Variants in CHL1 observed in about 807,000 individuals in gnomAD.
The protein encoded by CHL1 is neural cell adhesion molecule L1-like protein.
CHL1 carries 96 observed loss-of-function variants against 141.9 expected under a neutral mutation model. That is an observed-to-expected ratio of 0.68 (90% CI 0.57 to 0.80). The LOEUF (loss-of-function observed/expected upper bound fraction) is 0.80. CHL1 is among the 30% of genes least tolerant of loss of function. The probability of loss-of-function intolerance (pLI) is 0.00; values close to 1 mark genes in which losing one functional copy is unlikely to be tolerated. For missense variants in CHL1, 1,820 were observed against 1,457.2 expected (o/e 1.25, Z -4.05); for synonymous variants, 613 against 502.2 (o/e 1.22, Z -2.95).
rs376014846 is a variant in CHL1, at chr3:303,718, CTT to C, written c.-94-15963_-94-15962del. 1.3e-3 allele frequency among the ~76,000 whole-genome samples: 193 copies of C among 152,294 alleles called. 1 individual carries two copies. The highest frequency in any genetic ancestry group is 4.5e-3 in the African/African-American group (187 of 41,570). On this transcript the variant is annotated intron_variant, in intron 2 of 27. Transcript: ENST00000256509. ...CTTCCTATTTGAATACACTTTATTT[CTT>C]TCTCTTGCCTGATTGCCCTGGCCGG...
At chr3:333,124 A>ATTTTTTTTTTTTTT (rs879790982) in intron 5 of CHL1, among the ~76,000 whole-genome samples, 11,540 of 82,874 alleles carry the variant, frequency 0.14, 4,322 homozygotes, top group East Asian at 0.23. Flanking sequence ...TAATTGCTCT[A>ATTTTTTTTTTTTTT]TTTTTTTTAT....
At chr3:214,278 C>G (rs1211896207) in intron 1 of CHL1, among the ~76,000 whole-genome samples, 1 of 152,148 alleles carries the variant, frequency 6.6e-6, no homozygotes, top group Non-Finnish European at 1.5e-5. Context: ...CTGATCCCTT[C>G]TAGGGCCTGG....
At chr3:207,843 A>G (rs1699572118) in intron 1 of CHL1, among the ~76,000 whole-genome samples, 1 of 152,152 alleles carries the variant, frequency 6.6e-6, no homozygotes. Context: ...CTTGTAATTG[A>G]TTTGGGCTGA....
At chr3:242,457 G>C (rs559930389) in intron 1 of CHL1, among the ~76,000 whole-genome samples, 11 of 145,354 alleles carry the variant, frequency 7.6e-5, no homozygotes, top group Admixed American at 6.2e-4. Context: ...TTATCCCGGC[G>C]TGGTGGTGGG....
intron 2 of CHL1, among the ~76,000 whole-genome samples, chr3:246,186 C>A (rs1693150144): frequency 6.6e-6 from 1 of 151,612 alleles, no homozygotes; most frequent in African/African-American, 2.4e-5. Flanking sequence ...AATACAATAC[C>A]CAGGGTATTA....
chr3:214,328 C>A (rs567705078), intron 1 of CHL1, among the ~76,000 whole-genome samples: 2 of 152,076 alleles, frequency 1.3e-5, no homozygotes, highest in East Asian at 1.9e-4. Flanking sequence ...ATTCTCTAGA[C>A]ACAATATGCA....
At chr3:403,221 C>G (rs1177126937) in intron 27 of CHL1, among the ~76,000 whole-genome samples, 2 of 152,170 alleles carry the variant, frequency 1.3e-5, no homozygotes, top group Non-Finnish European at 2.9e-5. Flanking sequence ...AACATGGCAG[C>G]TGGCTTCCTT....
intron 2 of CHL1, among the ~76,000 whole-genome samples, chr3:287,258 T>C (rs768202957): frequency 6.6e-6 from 1 of 152,132 alleles, no homozygotes; most frequent in African/African-American, 2.4e-5. Context: ...AGAATGTAAA[T>C]TCTAGTAGGT....
intron 11 of CHL1, among the ~76,000 whole-genome samples, chr3:359,505 G>T (rs969959299): frequency 6.6e-6 from 1 of 152,038 alleles, no homozygotes. Context: ...GTTTTGCCGT[G>T]TTGGCTAGGC....
At chr3:342,218 A>G in intron 7 of CHL1, 136 bp downstream of exon 7, 1 of 636,476 alleles carries the variant, frequency 1.6e-6, no homozygotes, top group Non-Finnish European at 2.6e-6. Flanking sequence ...GACTTCTTCC[A>G]GATGAAATAG....
At chr3:207,490 G>A (rs1699538480) in intron 1 of CHL1, among the ~76,000 whole-genome samples, 1 of 152,142 alleles carries the variant, frequency 6.6e-6, no homozygotes, top group East Asian at 1.9e-4. Context: ...TCATGCATTT[G>A]ATTAAAATTT....
At chr3:254,107 C>G (rs74922779) in intron 2 of CHL1, among the ~76,000 whole-genome samples, 1,825 of 152,264 alleles carry the variant, frequency 0.012, 46 homozygotes, top group African/African-American at 0.042. Context: ...TGTCCAGTAG[C>G]TAGCACTTAA....
At chr3:319,362 C>T (rs532849825) in intron 2 of CHL1, among the ~76,000 whole-genome samples, 1 of 151,570 alleles carries the variant, frequency 6.6e-6, no homozygotes, top group Non-Finnish European at 1.5e-5. Context: ...AAGTTACCTC[C>T]TGAATCTAAA....
At chr3:264,524 T>C (rs1468657632) in intron 2 of CHL1, among the ~76,000 whole-genome samples, 2 of 152,228 alleles carry the variant, frequency 1.3e-5, no homozygotes, top group African/African-American at 2.4e-5. Context: ...GCCCCTGGTC[T>C]GTATCATTTA....
chr3:353,316 A>G (rs1703422977), intron 10 of CHL1, among the ~76,000 whole-genome samples: 1 of 152,216 alleles, frequency 6.6e-6, no homozygotes, highest in Non-Finnish European at 1.5e-5. Flanking sequence ...TCTAACTTAC[A>G]GATATTTAGT....
intron 1 of CHL1, among the ~76,000 whole-genome samples, chr3:213,934 A>C (rs1421855219): frequency 6.6e-6 from 1 of 152,188 alleles, no homozygotes; most frequent in African/African-American, 2.4e-5. Context: ...TCAAGTTCTG[A>C]AAGGCTTCCT....
Position 348,105 on chromosome 3 carries a change from T to C in CHL1, c.849-1254T>C, listed in dbSNP as rs999401775. On this transcript the variant is annotated intron_variant, in intron 9 of 27. Coordinates refer to ENST00000256509, the MANE Select transcript of CHL1 (RefSeq NM_006614.4). ...AATGGGCAATTTGACAGGAAGCATA[T>C]ATTCTAAGACTATAGAGTTAGGAAG... Among the ~76,000 whole-genome samples, 3 of 152,170 alleles carry C rather than the reference T, an allele frequency of 2.0e-5. No individual in the cohort carries two copies. In the East Asian group the frequency reaches 5.8e-4, roughly 29 times the overall value.
chr3:404,454 T>G, intron 27 of CHL1, among the ~76,000 whole-genome samples: 1 of 152,146 alleles, frequency 6.6e-6, no homozygotes, highest in East Asian at 1.9e-4. Flanking sequence ...TAATACTAAT[T>G]GGTACTTAAA....
chr3:382,769 T>C (rs1707212828), intron 18 of CHL1, 98 bp downstream of exon 18: 1 of 1,059,172 alleles, frequency 9.4e-7, no homozygotes, highest in Non-Finnish European at 1.4e-6. Flanking sequence ...TGTAGGATTT[T>C]AGATTTCTCC....
Sources: gnomAD v4.1 joint callset for allele counts (sites outside exome capture counted in the v4.1 genomes callset) on GRCh38, gnomAD v4.1.1 for gene constraint, MANE v1.5 for transcripts, NCBI Gene and HGNC (gene_info 2026-07-23, HGNC 2026-07-21) for gene names.